PLCB1: variants seen among roughly 807,000 people sequenced by gnomAD.
PLCB1 encodes 1-phosphatidylinositol 4,5-bisphosphate phosphodiesterase beta-1.
Under a neutral mutation model 161.8 loss-of-function variants are expected in PLCB1, and 46 were observed. That is an observed-to-expected ratio of 0.28 (90% confidence interval 0.22 to 0.36). The LOEUF (loss-of-function observed/expected upper bound fraction) is 0.36, where lower values mean the gene tolerates loss of function less well. PLCB1 is among the 10% of genes least tolerant of loss of function. The pLI, the probability that PLCB1 is intolerant of heterozygous loss-of-function variation, is 1.00. For synonymous variants in PLCB1, 517 were observed against 503.7 expected, an observed-to-expected ratio of 1.03 and a Z score of -0.35; for missense variants, 1,016 against 1,472.5, an observed-to-expected ratio of 0.69 and a Z score of 5.07.
chr20:8,683,115 G>A (rs1301304705), intron 9 of PLCB1, among the ~76,000 whole-genome samples: 6 of 151,666 alleles, frequency 4.0e-5, no homozygotes, highest in Admixed American at 1.3e-4. Context: ...CATTAAAAAT[G>A]TTCATAATAT....
chr20:8,770,097 C>T (rs1205122555), intron 26 of PLCB1, among the ~76,000 whole-genome samples: 4 of 152,064 alleles, frequency 2.6e-5, no homozygotes, highest in East Asian at 1.9e-4. Context: ...GGACTATAGG[C>T]GCCCGCCACC....
At chr20:8,820,510 G>C (rs567202071) in intron 31 of PLCB1, among the ~76,000 whole-genome samples, 1 of 152,080 alleles carries the variant, frequency 6.6e-6, no homozygotes, top group Non-Finnish European at 1.5e-5. Context: ...GGTGCATCTG[G>C]GACAACTGTA....
intron 3 of PLCB1, among the ~76,000 whole-genome samples, chr20:8,589,546 C>T (rs1185164833): frequency 2.0e-5 from 3 of 151,348 alleles, no homozygotes; most frequent in Admixed American, 6.6e-5. Context: ...GACAGAAGAC[C>T]ATCTTCTTAT....
intron 2 of PLCB1, among the ~76,000 whole-genome samples, chr20:8,190,918 C>G (rs2051963390): frequency 2.6e-5 from 4 of 151,928 alleles, no homozygotes; most frequent in Non-Finnish European, 4.4e-5. Flanking sequence ...TTGTAGTCAG[C>G]CAGTACATAG....
At chr20:8,261,835 T>C (rs1352098429) in intron 2 of PLCB1, among the ~76,000 whole-genome samples, 1 of 152,212 alleles carries the variant, frequency 6.6e-6, no homozygotes, top group Non-Finnish European at 1.5e-5. Context: ...TTGTATTTAG[T>C]ATTGAGATTA....
intron 16 of PLCB1, 149 bp downstream of exon 16, chr20:8,724,901 C>A: frequency 1.7e-6 from 1 of 589,036 alleles, no homozygotes; most frequent in African/African-American, 1.9e-5. Context: ...TGCCTTGTTA[C>A]TTTACACATA....
At chr20:8,470,023 A>G (rs1045547059) in intron 3 of PLCB1, among the ~76,000 whole-genome samples, 2 of 152,190 alleles carry the variant, frequency 1.3e-5, no homozygotes, top group Non-Finnish European at 2.9e-5. Flanking sequence ...AAATGGAATC[A>G]CAAAATATGT....
At chr20:8,361,564 A>G (rs1275166010) in intron 2 of PLCB1, among the ~76,000 whole-genome samples, 2 of 152,184 alleles carry the variant, frequency 1.3e-5, no homozygotes, top group Admixed American at 1.3e-4. Context: ...AATGATGATG[A>G]TGCCATAGGT....
chr20:8,196,743 T>G (rs1467904933), intron 2 of PLCB1, among the ~76,000 whole-genome samples: 2 of 151,986 alleles, frequency 1.3e-5, no homozygotes, highest in Non-Finnish European at 2.9e-5. Context: ...TACGTATACA[T>G]GTGCCATGTT....
intron 2 of PLCB1, among the ~76,000 whole-genome samples, chr20:8,159,153 C>T (rs2051594830): frequency 6.6e-6 from 1 of 152,222 alleles, no homozygotes; most frequent in South Asian, 2.1e-4. Flanking sequence ...AAGCTTCTGC[C>T]TGGACATCCA....
At chr20:8,188,049 T>C (rs1178779536) in intron 2 of PLCB1, among the ~76,000 whole-genome samples, 1 of 152,090 alleles carries the variant, frequency 6.6e-6, no homozygotes, top group African/African-American at 2.4e-5. Context: ...TGATTTAGGC[T>C]GGGCTCACAT....
At chr20:8,307,323 TTC>T (rs959263206) in intron 2 of PLCB1, among the ~76,000 whole-genome samples, 7 of 152,146 alleles carry the variant, frequency 4.6e-5, no homozygotes, top group Non-Finnish European at 1.0e-4. Context: ...ATGACTTTCC[TTC>T]TCTCTCTGGT....
chr20:8,317,177 G>A (rs1056764091), intron 2 of PLCB1, among the ~76,000 whole-genome samples: 2 of 152,162 alleles, frequency 1.3e-5, no homozygotes, highest in Non-Finnish European at 2.9e-5. Flanking sequence ...ATGGGGATGA[G>A]AAGTGGATAG....
chr20:8,779,507 C>CAAAAAAAAAAAAAAAAAAAAAAAA (rs373073139), intron 27 of PLCB1, among the ~76,000 whole-genome samples: 1 of 102,514 alleles, frequency 9.8e-6, no homozygotes. Flanking sequence ...CACTTTTGTG[C>CAAAAAAAAAAAAAAAAAAAAAAAA]AAAAAAAAAA....
chr20:8,584,593 T>A (rs1986932957), intron 3 of PLCB1, among the ~76,000 whole-genome samples: 1 of 152,028 alleles, frequency 6.6e-6, no homozygotes, highest in Non-Finnish European at 1.5e-5. Flanking sequence ...AGACCACTAC[T>A]ATAGATCTTC....
At chr20:8,594,293 G>A (rs1437175688) in intron 3 of PLCB1, among the ~76,000 whole-genome samples, 1 of 152,082 alleles carries the variant, frequency 6.6e-6, no homozygotes, top group Admixed American at 6.6e-5. Flanking sequence ...GAAACTTGTT[G>A]CCCTCCTGAA....
Position 8,132,619 on chromosome 20 carries a change from C to A in PLCB1, c.-33C>A. On this transcript the variant is annotated 5_prime_UTR_variant, in exon 1 of 32. It introduces an in-frame stop codon into an upstream open reading frame of the 5' UTR. Coordinates refer to ENST00000338037, the MANE Select transcript of PLCB1 (RefSeq NM_015192.4). The surrounding 1 kb of genome is among the most constrained non-coding windows in gnomAD (Gnocchi z 5.2). ...CACGGTCCCCAGTCCCTGCCGCGCT[C>A]GCCCGGGCCGCCCGGAGCCCAGATG... The A allele has an allele frequency of 1.3e-6, 2 of 1,525,696 alleles. No homozygotes were observed. The highest frequency in any genetic ancestry group is 4.8e-5 in the East Asian group (2 of 41,882). 94.5% of individuals were successfully genotyped at this position (1,525,696 alleles called of 1,614,324 possible).
Position 8,261,879 on chromosome 20 carries a change from A to C in PLCB1, c.178-109503A>C, listed in dbSNP as rs1316015656. 2.0e-5 allele frequency among the ~76,000 whole-genome samples: 3 copies of C among 152,276 alleles called. No individual in the cohort carries two copies. In the East Asian group the frequency reaches 5.8e-4, roughly 29 times the overall value. On this transcript the variant is annotated intron_variant, in intron 2 of 31. Coordinates refer to ENST00000338037, the MANE Select transcript of PLCB1 (RefSeq NM_015192.4). ...TGAAATAAAGTCCATCAGACACACA[A>C]GTCTCCATGTATTATTGGTCATCCA...
chr20:8,546,140 C>G (rs1370128711), intron 3 of PLCB1, among the ~76,000 whole-genome samples: 1 of 151,458 alleles, frequency 6.6e-6, no homozygotes, highest in Non-Finnish European at 1.5e-5. Flanking sequence ...TATGGTGAAA[C>G]CCCGTCTCTA....
Sources: allele counts gnomAD v4.1 joint callset (sites outside exome capture counted in the v4.1 genomes callset), GRCh38; gene constraint gnomAD v4.1.1; non-coding constraint Gnocchi (gnomAD v3.1); transcripts MANE v1.5; gene names NCBI Gene and HGNC (gene_info 2026-07-23, HGNC 2026-07-21).